The following TENM2 variants were observed in gnomAD, a reference collection of about 807,000 sequenced individuals.
TENM2 encodes the protein teneurin-2.
Under a neutral mutation model 245.2 loss-of-function variants are expected in TENM2, and 52 were observed. The observed-to-expected ratio is 0.21, with a 90% CI of 0.17 to 0.27. TENM2 has a LOEUF of 0.27. TENM2 is among the 10% of genes least tolerant of loss of function. TENM2 has a pLI of 1.00. For synonymous variants in TENM2, 1,363 were observed against 1,438.9 expected, an observed-to-expected ratio of 0.95 and a Z score of 1.19; for missense variants, 3,046 against 3,666.8, an observed-to-expected ratio of 0.83 and a Z score of 4.37.
intron 2 of TENM2, among the ~76,000 whole-genome samples, chr5:167,467,527 A>AC (rs1766743115): frequency 1.3e-5 from 2 of 151,976 alleles, no homozygotes; most frequent in Non-Finnish European, 1.5e-5. Flanking sequence ...AAAAAAAAAA[A>AC]AAAACAGTAA....
At chr5:168,055,392 A>G (rs1177937037) in intron 6 of TENM2, among the ~76,000 whole-genome samples, 3 of 152,200 alleles carry the variant, frequency 2.0e-5, no homozygotes, top group Non-Finnish European at 2.9e-5. Flanking sequence ...CGCAGACTGC[A>G]CAGAGTTGCC....
intron 2 of TENM2, among the ~76,000 whole-genome samples, chr5:167,649,492 G>C (rs764559028): frequency 6.6e-6 from 1 of 152,132 alleles, no homozygotes; most frequent in African/African-American, 2.4e-5. Flanking sequence ...GGCTGACAAA[G>C]AGATAATTTT....
At chr5:167,253,490 GT>G in the TENM2 span, among the ~76,000 whole-genome samples, 10 of 151,754 alleles carry the variant, frequency 6.6e-5, no homozygotes, top group Non-Finnish European at 1.3e-4. Flanking sequence ...TGTCATAATG[GT>G]TAAGTTTTTA....
chr5:168,119,117 T>C (rs1329678747), intron 10 of TENM2, among the ~76,000 whole-genome samples: 6 of 152,242 alleles, frequency 3.9e-5, no homozygotes, highest in Non-Finnish European at 8.8e-5. Context: ...AGAAACACCA[T>C]GTAGGGCAAA....
chr5:167,818,758 G>A (rs982730708), intron 2 of TENM2, among the ~76,000 whole-genome samples: 29 of 152,142 alleles, frequency 1.9e-4, no homozygotes, highest in African/African-American at 6.3e-4. Context: ...GCATCCCAAG[G>A]AACAGTCTCT....
At chr5:167,956,409 A>C (rs1466380876) in intron 4 of TENM2, among the ~76,000 whole-genome samples, 6 of 152,202 alleles carry the variant, frequency 3.9e-5, no homozygotes. Context: ...CAATCATATC[A>C]TCTGCAAACA....
chr5:167,498,685 C>T (rs1434057550), intron 2 of TENM2, among the ~76,000 whole-genome samples: 2 of 152,046 alleles, frequency 1.3e-5, no homozygotes, highest in African/African-American at 4.8e-5. Flanking sequence ...CGGCATCACA[C>T]AAGATGCATC....
At chr5:167,773,818 T>A (rs1763559243) in intron 2 of TENM2, among the ~76,000 whole-genome samples, 1 of 152,144 alleles carries the variant, frequency 6.6e-6, no homozygotes, top group South Asian at 2.1e-4. Context: ...TTACAGCATA[T>A]TACTAAACAG....
intron 9 of TENM2, among the ~76,000 whole-genome samples, chr5:168,115,436 AAG>A (rs1224327062): frequency 6.9e-6 from 1 of 145,558 alleles, no homozygotes; most frequent in Non-Finnish European, 1.5e-5. Context: ...AAGAAAAAAA[AAG>A]AAAAAAATTT....
chr5:167,885,961 G>T (rs1774254339), intron 3 of TENM2, among the ~76,000 whole-genome samples: 1 of 152,200 alleles, frequency 6.6e-6, no homozygotes, highest in Non-Finnish European at 1.5e-5. Flanking sequence ...GGGATTACAG[G>T]CATGAGCCAC....
chr5:167,280,864 T>G (rs541524691), upstream of TENM2, among the ~76,000 whole-genome samples: 6 of 152,054 alleles, frequency 3.9e-5, no homozygotes, highest in South Asian at 8.3e-4. Context: ...CCCAGGGAAC[T>G]CACCACTGTT....
intron 2 of TENM2, among the ~76,000 whole-genome samples, chr5:167,763,319 G>C (rs887714311): frequency 3.3e-5 from 5 of 152,034 alleles, no homozygotes; most frequent in Non-Finnish European, 5.9e-5. Context: ...TTACCAACAG[G>C]CTTTTCCCAG....
intron 3 of TENM2, among the ~76,000 whole-genome samples, chr5:167,931,020 T>G (rs1778241554): frequency 6.6e-6 from 1 of 152,174 alleles, no homozygotes; most frequent in Non-Finnish European, 1.5e-5. Flanking sequence ...GATCGCAAAC[T>G]AGTGCAGCAC....
At chr5:168,170,809 A>G (rs895673236) in intron 13 of TENM2, among the ~76,000 whole-genome samples, 3 of 152,192 alleles carry the variant, frequency 2.0e-5, no homozygotes, top group Non-Finnish European at 4.4e-5. Context: ...ATTGAAAGCA[A>G]TTAATTTTGC....
chr5:167,046,746 G>A, the TENM2 span, among the ~76,000 whole-genome samples: 4 of 151,462 alleles, frequency 2.6e-5, no homozygotes, highest in Admixed American at 6.6e-5. Flanking sequence ...ATCCAGGTTC[G>A]TTACATAGGT....
chr5:167,216,174 G>A, the TENM2 span, among the ~76,000 whole-genome samples: 7 of 152,202 alleles, frequency 4.6e-5, no homozygotes, highest in Admixed American at 2.6e-4. Context: ...AATGGAAAGC[G>A]AAGGCAGTCA....
chr5:168,245,145 A>G (rs1581750188), intron 26 of TENM2, among the ~76,000 whole-genome samples: 1 of 145,710 alleles, frequency 6.9e-6, no homozygotes. Flanking sequence ...CTCTACAAGG[A>G]CTTCCCTCCT....
At chr5:168,140,858 G>T (rs1301176701) in intron 12 of TENM2, among the ~76,000 whole-genome samples, 1 of 152,154 alleles carries the variant, frequency 6.6e-6, no homozygotes, top group Admixed American at 6.5e-5. Context: ...GGCTACTGCA[G>T]GTTCATAGGA....
intron 2 of TENM2, among the ~76,000 whole-genome samples, chr5:167,765,547 G>T (rs752462815): frequency 1.3e-5 from 2 of 152,160 alleles, no homozygotes; most frequent in South Asian, 4.1e-4. Flanking sequence ...CAATATTTTG[G>T]CCTAATGGGC....
Sources: allele counts gnomAD v4.1 joint callset (sites outside exome capture counted in the v4.1 genomes callset), GRCh38; gene constraint gnomAD v4.1.1; transcripts MANE v1.5; gene names NCBI Gene and HGNC (gene_info 2026-07-23, HGNC 2026-07-21).